SEZ6L: variants seen among roughly 807,000 people sequenced by gnomAD.
SEZ6L encodes the protein seizure 6-like protein.
A neutral mutation model predicts 106.2 loss-of-function variants in SEZ6L; 37 were observed. That is an observed-to-expected ratio of 0.35 (90% CI 0.27 to 0.46). The LOEUF (loss-of-function observed/expected upper bound fraction) is 0.46, where lower values mean the gene tolerates loss of function less well. Among genes scored for constraint, SEZ6L ranks in the 20% least tolerant of loss-of-function variants. The probability of loss-of-function intolerance (pLI) is 1.00; values close to 1 mark genes in which losing one functional copy is unlikely to be tolerated. For synonymous variants in SEZ6L, 541 were observed against 570.4 expected, an observed-to-expected ratio of 0.95 and a Z score of 0.73; for missense variants, 1,172 against 1,332.8, an observed-to-expected ratio of 0.88 and a Z score of 1.88.
chr22:26,360,220 A>C lies in SEZ6L; in HGVS notation c.2600-5152A>C, dbSNP rs114385335. ...CGGAGCCAGGGCACAGGATAACCCA[A>C]GGCCATTCTAGCACTTAGCCTGGGG... is the stretch of plus-strand genomic sequence containing the variant. On this transcript the variant is annotated intron_variant, in intron 12 of 16. Transcript: ENST00000248933. Among the ~76,000 whole-genome samples, 775 of 152,298 alleles carry C rather than the reference A, an allele frequency of 5.1e-3. 6 individuals carry two copies. The highest frequency in any genetic ancestry group is 0.018 in the African/African-American group (746 of 41,556).
At chr22:26,250,520 T>A (rs925767813) in intron 1 of SEZ6L, among the ~76,000 whole-genome samples, 1 of 152,216 alleles carries the variant, frequency 6.6e-6, no homozygotes, top group African/African-American at 2.4e-5. Flanking sequence ...CATTGGTCTA[T>A]GTATCTGTTT....
At chr22:26,313,670 G>A in intron 8 of SEZ6L, 94 bp from the exon 9 acceptor site, 2 of 1,463,228 alleles carry the variant, frequency 1.4e-6, no homozygotes, top group African/African-American at 2.8e-5. Context: ...GAGATTCACG[G>A]CTGTCTGACT....
At chr22:26,334,662 G>A (rs2082590928) in intron 9 of SEZ6L, among the ~76,000 whole-genome samples, 1 of 152,214 alleles carries the variant, frequency 6.6e-6, no homozygotes, top group Non-Finnish European at 1.5e-5. Context: ...GAAAGGTGAT[G>A]ATGGTCTGAG....
chr22:26,244,565 T>A (rs755980725), intron 1 of SEZ6L: 1 of 152,252 alleles, frequency 6.6e-6, no homozygotes, highest in Admixed American at 6.5e-5. Context: ...GGCATCTGCA[T>A]TGAGCGCTCT....
At chr22:26,174,140 C>T (rs752398104) in intron 1 of SEZ6L, among the ~76,000 whole-genome samples, 6 of 152,114 alleles carry the variant, frequency 3.9e-5, no homozygotes, top group Non-Finnish European at 7.4e-5. Flanking sequence ...GTGGTAAGTT[C>T]TTTGGTGGGG....
At chr22:26,197,032 T>C (rs1940625561) in intron 1 of SEZ6L, among the ~76,000 whole-genome samples, 1 of 152,192 alleles carries the variant, frequency 6.6e-6, no homozygotes, top group Admixed American at 6.5e-5. Context: ...GCTGATACAT[T>C]TTAGAGAGAT....
At chr22:26,176,797 T>C (rs1939032592) in intron 1 of SEZ6L, among the ~76,000 whole-genome samples, 1 of 152,216 alleles carries the variant, frequency 6.6e-6, no homozygotes, top group Non-Finnish European at 1.5e-5. Context: ...TAAACTTCTA[T>C]TCATCCTTCA....
intron 8 of SEZ6L, 107 bp downstream of exon 8, chr22:26,312,069 A>G: frequency 8.9e-7 from 1 of 1,125,116 alleles, no homozygotes; most frequent in South Asian, 1.5e-5. Flanking sequence ...TTTCATACCA[A>G]CTTTAGGATT....
At chr22:26,375,125 A>G (rs2084176424) in intron 14 of SEZ6L, among the ~76,000 whole-genome samples, 1 of 152,020 alleles carries the variant, frequency 6.6e-6, no homozygotes, top group Non-Finnish European at 1.5e-5. Flanking sequence ...CGTTCAACTC[A>G]ACGACATACA....
At chr22:26,330,504 G>A (rs1009828941) in intron 9 of SEZ6L, among the ~76,000 whole-genome samples, 67 of 152,172 alleles carry the variant, frequency 4.4e-4, no homozygotes, top group African/African-American at 1.6e-3. Flanking sequence ...AGAGAGGAGA[G>A]GGCTTTCCAG....
Position 26,246,582 on chromosome 22 carries a change from AG to A in SEZ6L, c.95-45822del, listed in dbSNP as rs781126075. Among the ~76,000 whole-genome samples the A allele has an allele frequency of 1.7e-3, 260 of 152,234 alleles. 5 individuals carry two copies. The highest frequency in any genetic ancestry group is 2.3e-3 in the Non-Finnish European group (157 of 68,014). ...CACCAATGCCCAAAGGAAAAAAAAAAGGTATTTCCAAGTACGAAAGTACAAA... is the reference window on the plus strand; with the variant it reads ...CACCAATGCCCAAAGGAAAAAAAAAAGTATTTCCAAGTACGAAAGTACAAA... On this transcript the variant is annotated intron_variant, in intron 1 of 16. Transcript: ENST00000248933.
At chr22:26,351,932 G>A (rs1488135368) in intron 12 of SEZ6L, among the ~76,000 whole-genome samples, 4 of 151,978 alleles carry the variant, frequency 2.6e-5, no homozygotes, top group Admixed American at 6.6e-5. Context: ...GTCAAGGCAG[G>A]CAAACCACTC....
intron 9 of SEZ6L, among the ~76,000 whole-genome samples, chr22:26,331,072 T>A (rs930346526): frequency 2.0e-5 from 3 of 152,190 alleles, no homozygotes; most frequent in African/African-American, 7.2e-5. Flanking sequence ...TGACTCTAGC[T>A]CAATAGTTAC....
intron 1 of SEZ6L, among the ~76,000 whole-genome samples, chr22:26,252,166 T>C (rs2079618747): frequency 6.6e-6 from 1 of 152,002 alleles, no homozygotes; most frequent in Non-Finnish European, 1.5e-5. Context: ...TCCCCAGGTG[T>C]CTCATGTGCA....
In SEZ6L at chr22:26,274,504, C is replaced by A. The variant is rs149628752; in HGVS notation, c.95-17902C>A. Among the ~76,000 whole-genome samples, 35 of 152,308 alleles carry A rather than the reference C, an allele frequency of 2.3e-4. No individual in the cohort carries two copies. The East Asian group carries it at 6.6e-3, about 29-fold the overall frequency. On this transcript the variant is annotated intron_variant, in intron 1 of 16. Coordinates refer to ENST00000248933, the MANE Select transcript of SEZ6L (RefSeq NM_021115.5). ...GGGAGCTGCTCTCAGACTCCTGCCC[C>A]CACTTCTGATTAAATCCATGTGCTC... is the stretch of plus-strand genomic sequence containing the variant.
intron 1 of SEZ6L, among the ~76,000 whole-genome samples, chr22:26,205,960 C>T (rs183836975): frequency 1.3e-5 from 2 of 152,246 alleles, no homozygotes; most frequent in Admixed American, 1.3e-4. Context: ...CCAGTTTATG[C>T]TCTGGAACTC....
chr22:26,290,533 A>C (rs2081077173), intron 1 of SEZ6L, among the ~76,000 whole-genome samples: 1 of 150,674 alleles, frequency 6.6e-6, no homozygotes, highest in African/African-American at 2.4e-5. Flanking sequence ...CTCCGTCTCA[A>C]AAAAATAAAT....
intron 1 of SEZ6L, among the ~76,000 whole-genome samples, chr22:26,263,973 G>T (rs1324053823): frequency 6.6e-6 from 1 of 152,196 alleles, no homozygotes; most frequent in Non-Finnish European, 1.5e-5. Context: ...CAGCCAGAAA[G>T]TAGAGTGATC....
At chr22:26,327,275 CACACACCACCCCACACAT>C (rs1289246845) in intron 9 of SEZ6L, among the ~76,000 whole-genome samples, 7 of 149,150 alleles carry the variant, frequency 4.7e-5, no homozygotes, top group African/African-American at 2.5e-5. Context: ...ACACCACACA[CACACACCACCCCACACAT>C]ACCACACACA....
Sources: allele counts gnomAD v4.1 joint callset (sites outside exome capture counted in the v4.1 genomes callset), GRCh38; gene constraint gnomAD v4.1.1; transcripts MANE v1.5; gene names NCBI Gene and HGNC (gene_info 2026-07-23, HGNC 2026-07-21).